The following FGF14 variants were observed in gnomAD, a reference collection of about 807,000 sequenced individuals.
FGF14 encodes the protein fibroblast growth factor 14, also known as fibroblast growth factor homologous factor 4.
FGF14 carries 5 observed loss-of-function variants against 25.5 expected under a neutral mutation model. The ratio of observed to expected loss-of-function variants is 0.20; its 90% CI spans 0.10 to 0.41. FGF14 has a LOEUF of 0.41. FGF14 is among the 10% of genes least tolerant of loss of function. FGF14 has a pLI of 1.00. For synonymous variants in FGF14, 138 were observed against 118.3 expected (o/e 1.17, Z -1.08); for missense variants, 222 against 320.1 (o/e 0.69, Z 2.34).
chr13:101,860,028 A>T (rs1358621406), intron 3 of FGF14, among the ~76,000 whole-genome samples: 1 of 152,078 alleles, frequency 6.6e-6, no homozygotes, highest in Non-Finnish European at 1.5e-5. Flanking sequence ...CTGCTCCAAT[A>T]GGATGCTCTT....
intron 3 of FGF14, among the ~76,000 whole-genome samples, chr13:101,816,279 A>G (rs915128777): frequency 2.7e-5 from 4 of 150,508 alleles, no homozygotes; most frequent in African/African-American, 9.8e-5. Flanking sequence ...CAAAAAAAAA[A>G]AAAAAATTTG....
chr13:102,149,557 T>A (rs996392505), intron 1 of FGF14, among the ~76,000 whole-genome samples: 2 of 152,144 alleles, frequency 1.3e-5, no homozygotes, highest in African/African-American at 4.8e-5. Context: ...ATACAAAGAC[T>A]CAAAGTGCAA....
intron 3 of FGF14, among the ~76,000 whole-genome samples, chr13:101,746,469 C>G (rs372396617): frequency 6.6e-6 from 1 of 151,918 alleles, no homozygotes; most frequent in Non-Finnish European, 1.5e-5. Flanking sequence ...GTGGTGCTTC[C>G]CCCCAAAAAT....
chr13:102,366,868 G>A, intron 1 of FGF14, among the ~76,000 whole-genome samples: 1 of 152,060 alleles, frequency 6.6e-6, no homozygotes. Flanking sequence ...CCTTCATACA[G>A]AGCTTGCCTA....
chr13:102,001,287 T>A (rs2139735393), intron 1 of FGF14, among the ~76,000 whole-genome samples: 1 of 152,084 alleles, frequency 6.6e-6, no homozygotes, highest in African/African-American at 2.4e-5. Flanking sequence ...ATAAGGAAAA[T>A]CATCCTAAGC....
intron 1 of FGF14, among the ~76,000 whole-genome samples, chr13:102,014,909 A>G (rs1344734583): frequency 1.3e-5 from 2 of 152,174 alleles, no homozygotes; most frequent in African/African-American, 4.8e-5. Flanking sequence ...CTATTCTGCT[A>G]AACATTCATT....
At chr13:102,326,671 A>G (rs2056438148) in intron 1 of FGF14, among the ~76,000 whole-genome samples, 2 of 60,628 alleles carry the variant, frequency 3.3e-5, no homozygotes, top group African/African-American at 7.5e-5. Flanking sequence ...AAGGGAGGGG[A>G]AGGGAAGGGA....
At chr13:102,235,087 T>C (rs2051269413) in intron 1 of FGF14, among the ~76,000 whole-genome samples, 1 of 152,236 alleles carries the variant, frequency 6.6e-6, no homozygotes, top group African/African-American at 2.4e-5. Flanking sequence ...ATCTGATTTA[T>C]AAATTTGGTT....
At chr13:102,370,875 AC>A (rs1434359340) in intron 1 of FGF14, among the ~76,000 whole-genome samples, 1 of 151,690 alleles carries the variant, frequency 6.6e-6, no homozygotes, top group Non-Finnish European at 1.5e-5. Context: ...AGGAAATAAC[AC>A]ACATAGTTCA....
chr13:101,997,335 A>G (rs540407580), intron 1 of FGF14, among the ~76,000 whole-genome samples: 1 of 152,352 alleles, frequency 6.6e-6, no homozygotes, highest in East Asian at 1.9e-4. Context: ...TGGAGCTCTC[A>G]GATATCCCAG....
At chr13:101,811,108 C>A (rs944386730) in intron 3 of FGF14, among the ~76,000 whole-genome samples, 27 of 144,364 alleles carry the variant, frequency 1.9e-4, no homozygotes, top group Non-Finnish European at 3.7e-4. Flanking sequence ...ACTGCACTGA[C>A]AAATTATAAT....
At chr13:101,852,338 A>T (rs2043895226) in intron 3 of FGF14, among the ~76,000 whole-genome samples, 1 of 152,120 alleles carries the variant, frequency 6.6e-6, no homozygotes. Flanking sequence ...AATTACCCAC[A>T]AGCATGACAA....
intron 1 of FGF14, among the ~76,000 whole-genome samples, chr13:102,004,596 A>AC (rs1378527702): frequency 1.3e-5 from 2 of 152,166 alleles, no homozygotes; most frequent in Non-Finnish European, 2.9e-5. Context: ...ACTGATTGGA[A>AC]CTGGATGTGA....
chr13:102,074,187 T>A (rs543114592), intron 1 of FGF14, among the ~76,000 whole-genome samples: 94 of 152,090 alleles, frequency 6.2e-4, no homozygotes, highest in African/African-American at 1.9e-3. Context: ...TTTTAAAAAA[T>A]TTTTTTTGTA....
chr13:101,866,407 A>C (rs1382898700), intron 3 of FGF14, among the ~76,000 whole-genome samples: 1 of 152,124 alleles, frequency 6.6e-6, no homozygotes, highest in Non-Finnish European at 1.5e-5. Context: ...TATCTTTTCT[A>C]TCTACCACCT....
intron 1 of FGF14, among the ~76,000 whole-genome samples, chr13:102,078,579 A>C (rs2043472188): frequency 6.6e-6 from 1 of 152,190 alleles, no homozygotes; most frequent in South Asian, 2.1e-4. Context: ...AGCCCAATGA[A>C]GCAGGTATCA....
intron 1 of FGF14, among the ~76,000 whole-genome samples, chr13:102,218,869 T>C (rs1213928711): frequency 1.3e-5 from 2 of 152,212 alleles, no homozygotes; most frequent in South Asian, 4.1e-4. Flanking sequence ...AAGAGCAAAT[T>C]CATTTTTAAC....
chr13:102,264,552 T>TAGC (rs10631458), intron 1 of FGF14, among the ~76,000 whole-genome samples: 119,153 of 151,860 alleles, frequency 0.78, 47,507 homozygotes, highest in African/African-American at 0.93. Context: ...TTTGGGGTTC[T>TAGC]ATAGCAGAAA....
intron 1 of FGF14, among the ~76,000 whole-genome samples, chr13:102,082,609 A>AT (rs2043679207): frequency 6.6e-6 from 1 of 152,232 alleles, no homozygotes; most frequent in African/African-American, 2.4e-5. Context: ...GTACATTCCC[A>AT]TGCCTTGACA....
Sources: allele counts gnomAD v4.1 joint callset (sites outside exome capture counted in the v4.1 genomes callset), GRCh38; gene constraint gnomAD v4.1.1; transcripts MANE v1.5; gene names NCBI Gene and HGNC (gene_info 2026-07-23, HGNC 2026-07-21).